Variants in RELN observed in about 807,000 individuals in gnomAD.
RELN encodes reelin.
In RELN, 108 loss-of-function variants were observed where a neutral mutation model predicts 427.6. That is an observed-to-expected ratio of 0.25 (90% CI 0.22 to 0.30). The LOEUF (loss-of-function observed/expected upper bound fraction) is 0.30. Ranked by LOEUF, RELN falls within the 10% of genes least tolerant of loss-of-function variation. The pLI is 1.00. For synonymous variants in RELN, 1,524 were observed against 1,513.4 expected, an observed-to-expected ratio of 1.01 and a Z score of -0.16; for missense variants, 3,715 against 4,302.8, an observed-to-expected ratio of 0.86 and a Z score of 3.82.
chr7:103,738,961 G>A lies in RELN; in HGVS notation c.656+10465C>T, dbSNP rs113736864. ...CTCCTAAAGTGTTCAGATTACAGGC[G>A]TGAGCCATTGTGCCTGGCCTGGCAT... On this transcript the variant is annotated intron_variant, in intron 6 of 64. Transcript: ENST00000428762. 2.7e-3 allele frequency among the ~76,000 whole-genome samples: 407 copies of A among 152,142 alleles called. 1 individual carries two copies. The highest frequency in any genetic ancestry group is 9.2e-3 in the African/African-American group (383 of 41,536).
intron 1 of RELN, among the ~76,000 whole-genome samples, chr7:103,936,401 A>G (rs1795985830): frequency 6.6e-6 from 1 of 152,022 alleles, no homozygotes; most frequent in African/African-American, 2.4e-5. Context: ...CCTGGCTTCT[A>G]ACTGGTGTTT....
chr7:103,576,434 G>A lies in RELN; in HGVS notation c.4146-729C>T, dbSNP rs188312187. ...GGATTACAGATGTGAGCCACCATGC[G>A]CAGATTGATTTCTTTTTCAGCATAA... On this transcript the variant is annotated intron_variant, in intron 28 of 64. Transcript: ENST00000428762. Among the ~76,000 whole-genome samples, 19 of 152,224 alleles carry A rather than the reference G, an allele frequency of 1.2e-4. 1 individual carries two copies. The highest frequency in any genetic ancestry group is 6.2e-4 in the South Asian group (3 of 4,812).
rs76083845 is a variant in RELN, at chr7:103,929,396, C to T, written c.227-12211G>A. On this transcript the variant is annotated intron_variant, in intron 1 of 64. Coordinates refer to ENST00000428762, the MANE Select transcript of RELN (RefSeq NM_005045.4). Reference sequence around the variant, plus strand: ...TGAAAGAAGGTGAATAACCTTCTTTCGAATAGCTAGACTTTCCCACCACCA... The same window carrying T: ...TGAAAGAAGGTGAATAACCTTCTTTTGAATAGCTAGACTTTCCCACCACCA... Among the ~76,000 whole-genome samples, 40 of 152,170 alleles carry T rather than the reference C, an allele frequency of 2.6e-4. No homozygotes were observed. The East Asian group carries it at 4.8e-3, about 18-fold the overall frequency.
chr7:103,919,398 C>T (rs572200414), intron 1 of RELN, among the ~76,000 whole-genome samples: 34 of 152,212 alleles, frequency 2.2e-4, no homozygotes, highest in African/African-American at 8.2e-4. Flanking sequence ...CTGAAAACTT[C>T]ACACCAAGGA....
chr7:103,534,687 G>A (rs908197772), intron 46 of RELN, among the ~76,000 whole-genome samples: 1 of 151,750 alleles, frequency 6.6e-6, no homozygotes, highest in African/African-American at 2.4e-5. Flanking sequence ...ATGGGGTCTC[G>A]CTGTTGTTTC....
chr7:103,688,305 A>G (rs1223107779), intron 10 of RELN, among the ~76,000 whole-genome samples: 2 of 152,130 alleles, frequency 1.3e-5, no homozygotes, highest in Non-Finnish European at 2.9e-5. Flanking sequence ...TACACACTAG[A>G]TAGTTTCCAG....
chr7:103,978,552 T>C (rs1796927756), intron 1 of RELN, among the ~76,000 whole-genome samples: 1 of 152,216 alleles, frequency 6.6e-6, no homozygotes, highest in Non-Finnish European at 1.5e-5. Context: ...GAATGACTGG[T>C]CTAGATGGTA....
intron 12 of RELN, 63 bp downstream of exon 12, chr7:103,661,313 C>T: frequency 6.6e-7 from 1 of 1,519,188 alleles, no homozygotes; most frequent in Non-Finnish European, 9.1e-7. Flanking sequence ...CTTACTTCCT[C>T]AGGAATAGGT....
intron 38 of RELN, among the ~76,000 whole-genome samples, chr7:103,556,425 ACG>A (rs1830521690): frequency 2.1e-5 from 2 of 95,104 alleles, no homozygotes; most frequent in East Asian, 2.8e-4. Flanking sequence ...GATTATATAT[ACG>A]TGTATATATA....
Position 103,654,512 on chromosome 7 carries a change from T to C in RELN, c.1442-307A>G, listed in dbSNP as rs151098411. Reference sequence around the variant, plus strand: ...TGTTCTAACCCACATTAAAAAGATGTGTTCTGCTTTTTAATAAACTGTTAT... The same window carrying C: ...TGTTCTAACCCACATTAAAAAGATGCGTTCTGCTTTTTAATAAACTGTTAT... On this transcript the variant is annotated intron_variant, in intron 12 of 64. Coordinates refer to ENST00000428762, the MANE Select transcript of RELN (RefSeq NM_005045.4). 2.5e-3 allele frequency among the ~76,000 whole-genome samples: 386 copies of C among 152,254 alleles called. No homozygotes were observed. The highest frequency in any genetic ancestry group is 9.0e-3 in the African/African-American group (373 of 41,570).
chr7:103,790,296 C>T (rs1792127808), intron 3 of RELN, among the ~76,000 whole-genome samples: 1 of 152,100 alleles, frequency 6.6e-6, no homozygotes, highest in Admixed American at 6.5e-5. Context: ...AACAAACCTG[C>T]ATGTTCTGCA....
chr7:103,873,107 T>C (rs1053274508), intron 2 of RELN, among the ~76,000 whole-genome samples: 1 of 151,390 alleles, frequency 6.6e-6, no homozygotes, highest in African/African-American at 2.4e-5. Flanking sequence ...GAATGACTAC[T>C]GGGTACATAA....
chr7:103,721,730 A>G (rs1273157479), intron 8 of RELN, among the ~76,000 whole-genome samples: 1 of 152,200 alleles, frequency 6.6e-6, no homozygotes, highest in African/African-American at 2.4e-5. Context: ...CTTAAAGACA[A>G]TATCTGAAAC....
rs185249806 is a variant in RELN, at chr7:103,639,404, T to C, written c.2069+1139A>G. Reference sequence around the variant, plus strand: ...ATTTCTTTTTTTTCTTTTTCTCTCTTTTTTTTTTTTTTTGAGATGGAGTCT... The same window carrying C: ...ATTTCTTTTTTTTCTTTTTCTCTCTCTTTTTTTTTTTTTGAGATGGAGTCT... On this transcript the variant is annotated intron_variant, in intron 17 of 64. Transcript: ENST00000428762. 8.3e-3 allele frequency among the ~76,000 whole-genome samples: 1,135 copies of C among 136,280 alleles called. 8 individuals carry two copies. The highest frequency in any genetic ancestry group is 0.012 in the Non-Finnish European group (749 of 61,360). 89.4% of individuals were successfully genotyped at this position (136,280 alleles called of 152,430 possible).
chr7:103,730,293 G>T (rs1456467542), intron 6 of RELN, among the ~76,000 whole-genome samples: 1 of 151,798 alleles, frequency 6.6e-6, no homozygotes, highest in Non-Finnish European at 1.5e-5. Context: ...TATTTATCAA[G>T]AAAATATCTA....
intron 6 of RELN, among the ~76,000 whole-genome samples, chr7:103,741,164 TA>T (rs962287750): frequency 1.8e-4 from 27 of 152,192 alleles, no homozygotes; most frequent in African/African-American, 6.5e-4. Context: ...TTGGGAGAGT[TA>T]AAACTGCTTA....
chr7:103,773,162 T>TTC lies in RELN; in HGVS notation c.544+3393_544+3394dup, dbSNP rs1186304110. Among the ~76,000 whole-genome samples, 174 of 106,030 alleles carry TTC rather than the reference T, an allele frequency of 1.6e-3. 1 individual carries two copies. The highest frequency in any genetic ancestry group is 5.6e-3 in the African/African-American group (166 of 29,686). 69.6% of individuals were successfully genotyped at this position (106,030 alleles called of 152,430 possible). A position where few individuals can be genotyped will look rare whatever the true frequency, so the allele number is the denominator to read the frequency against. ...TTTCTTTCTTTCTTTCTTTCTTTCTTTCTTTTTCTTTCTTTCCTTCTTTCT... is the reference window on the plus strand; with the variant it reads ...TTTCTTTCTTTCTTTCTTTCTTTCTTTCTCTTTTTCTTTCTTTCCTTCTTTCT... On this transcript the variant is annotated intron_variant, in intron 4 of 64. Transcript: ENST00000428762.
chr7:103,915,927 A>G (rs1280290236), intron 2 of RELN, among the ~76,000 whole-genome samples: 3 of 152,196 alleles, frequency 2.0e-5, no homozygotes, highest in Non-Finnish European at 4.4e-5. Flanking sequence ...ATGGGACTAA[A>G]TAAGTGGAAT....
chr7:103,913,326 T>C (rs1375785462), intron 2 of RELN, among the ~76,000 whole-genome samples: 1 of 152,194 alleles, frequency 6.6e-6, no homozygotes, highest in Non-Finnish European at 1.5e-5. Context: ...GAAGTACCTA[T>C]TTAGACTTAC....
Sources: allele counts gnomAD v4.1 joint callset (sites outside exome capture counted in the v4.1 genomes callset), GRCh38; gene constraint gnomAD v4.1.1; transcripts MANE v1.5; gene names NCBI Gene and HGNC (gene_info 2026-07-23, HGNC 2026-07-21).